Variants in ABR observed in about 807,000 individuals in gnomAD.
ABR encodes the protein ABR activator of RhoGEF and GTPase, also known as active breakpoint cluster region-related protein.
In ABR, 35 loss-of-function variants were observed where a neutral mutation model predicts 107.2. The observed-to-expected ratio is 0.33, with a 90% CI of 0.25 to 0.43. The LOEUF (loss-of-function observed/expected upper bound fraction) is 0.43, where lower values mean the gene tolerates loss of function less well. Ranked by LOEUF, ABR falls within the 20% of genes least tolerant of loss-of-function variation. The pLI is 1.00. For missense variants in ABR, 815 were observed against 1,115.2 expected (o/e 0.73, Z 3.83); for synonymous variants, 498 against 462.0 (o/e 1.08, Z -1.00).
At chr17:1,184,892 T>G (rs1229655280), upstream of ABR, 1 of 152,170 alleles carries the variant, frequency 6.6e-6, no homozygotes, top group Non-Finnish European at 1.5e-5. Flanking sequence ...TTTCACGTAA[T>G]CCTTACAATA....
At chr17:1,144,896 G>A (rs904558823) in intron 1 of ABR, among the ~76,000 whole-genome samples, 2 of 152,112 alleles carry the variant, frequency 1.3e-5, no homozygotes, top group Admixed American at 6.5e-5. Flanking sequence ...GCGGGCCCCT[G>A]TAATTCCAGC....
intron 16 of ABR, among the ~76,000 whole-genome samples, chr17:1,017,553 C>T (rs1383069661): frequency 5.4e-5 from 8 of 149,520 alleles, no homozygotes; most frequent in Non-Finnish European, 8.9e-5. Flanking sequence ...GACTGCAACC[C>T]GTCTCCCAGG....
chr17:1,137,706 GA>G (rs1292230634), intron 1 of ABR, among the ~76,000 whole-genome samples: 1 of 151,766 alleles, frequency 6.6e-6, no homozygotes, highest in African/African-American at 2.4e-5. Context: ...TCCAACTGGT[GA>G]AAAAAAACGC....
chr17:1,079,026 C>A (rs1440716887), intron 6 of ABR: 77 of 1,066,812 alleles, frequency 7.2e-5, no homozygotes, highest in Non-Finnish European at 5.7e-5. Flanking sequence ...GAGGGAGGCG[C>A]GTGGCGAGGA....
intron 1 of ABR, among the ~76,000 whole-genome samples, chr17:1,146,603 C>T (rs1327764755): frequency 6.6e-6 from 1 of 150,806 alleles, no homozygotes; most frequent in Non-Finnish European, 1.5e-5. Flanking sequence ...CATGCCACCA[C>T]TGCCACATGA....
intron 16 of ABR, among the ~76,000 whole-genome samples, chr17:1,016,861 G>A (rs988688105): frequency 5.3e-5 from 8 of 152,260 alleles, no homozygotes; most frequent in Middle Eastern, 3.4e-3. Context: ...TGAGGTGTGC[G>A]TGCCACGGTT....
At chr17:1,201,070 G>GCCCAAGC (rs1207212283) in intron 1 of ABR, among the ~76,000 whole-genome samples, 1 of 152,196 alleles carries the variant, frequency 6.6e-6, no homozygotes, top group Non-Finnish European at 1.5e-5. Context: ...TGGATTCAGG[G>GCCCAAGC]CCCAAGCCCC....
chr17:1,146,260 GACACACACACACACACACACAC>G (rs60058475), intron 1 of ABR, among the ~76,000 whole-genome samples: 3,090 of 140,200 alleles, frequency 0.022, 120 homozygotes, highest in African/African-American at 0.079. Flanking sequence ...GGCACATGGA[GACACACACACACACACACACAC>G]ACACACACAC....
chr17:1,079,421 G>A, intron 5 of ABR, 31 bp from the exon 6 acceptor site: 3 of 1,595,804 alleles, frequency 1.9e-6, no homozygotes, highest in South Asian at 1.1e-5. Context: ...GTCATGGCCT[G>A]TTCTGTCCCT....
At chr17:1,105,158 G>A (rs1011936334) in intron 2 of ABR, among the ~76,000 whole-genome samples, 3 of 151,742 alleles carry the variant, frequency 2.0e-5, no homozygotes, top group South Asian at 2.1e-4. Context: ...ACAGGTGCAC[G>A]CCACCACGCC....
intron 2 of ABR, among the ~76,000 whole-genome samples, chr17:1,112,719 T>C (rs547217983): frequency 2.4e-4 from 37 of 151,904 alleles, no homozygotes; most frequent in African/African-American, 6.5e-4. Context: ...TCATGGAGGG[T>C]GAGGGGCATA....
chr17:1,057,385 C>T (rs2033439228), intron 12 of ABR, among the ~76,000 whole-genome samples: 9 of 133,768 alleles, frequency 6.7e-5, no homozygotes, highest in Admixed American at 5.7e-4. Flanking sequence ...GTTTTGTTTT[C>T]GTTTTTTTTT....
chr17:1,138,286 G>A (rs2040161805), intron 1 of ABR, among the ~76,000 whole-genome samples: 3 of 152,068 alleles, frequency 2.0e-5, no homozygotes, highest in Admixed American at 2.0e-4. Context: ...CATGGCAGTG[G>A]CTTTCTGGGG....
intron 2 of ABR, among the ~76,000 whole-genome samples, chr17:1,123,658 C>T (rs534946265): frequency 1.3e-4 from 20 of 152,342 alleles, no homozygotes; most frequent in African/African-American, 4.6e-4. Context: ...CATCTTCCTG[C>T]AGCTGCTCAC....
intron 1 of ABR, among the ~76,000 whole-genome samples, chr17:1,207,084 A>C (rs1217761141): frequency 6.6e-5 from 2 of 30,382 alleles, no homozygotes; most frequent in Non-Finnish European, 9.7e-4. Flanking sequence ...ACTCCATCTC[A>C]AAACAAACAA....
chr17:1,100,823 C>CG lies in ABR; in HGVS notation c.247-89dup. ...GGTCTGCTTCCCTGCCCTTCCCCCC[C>CG]GACCTTTATTTTTTTTTTGAGACGA... On this transcript the variant is annotated intron_variant, in intron 2 of 22. Coordinates refer to ENST00000302538, the MANE Select transcript of ABR (RefSeq NM_021962.5). The CG allele has an allele frequency of 2.4e-6, 3 of 1,268,114 alleles. No homozygotes were observed. In the South Asian group the frequency reaches 3.6e-5, roughly 15 times the overall value. 78.6% of individuals were successfully genotyped at this position (1,268,114 alleles called of 1,614,324 possible). A position where few individuals can be genotyped will look rare whatever the true frequency, so the allele number is the denominator to read the frequency against.
intron 3 of ABR, among the ~76,000 whole-genome samples, chr17:1,099,289 G>A (rs1168756359): frequency 6.6e-6 from 1 of 152,042 alleles, no homozygotes; most frequent in Non-Finnish European, 1.5e-5. Flanking sequence ...TGGCCAGGCT[G>A]GTCTCGAACT....
chr17:1,049,547 G>A (rs1350042110), intron 16 of ABR, among the ~76,000 whole-genome samples: 1 of 152,114 alleles, frequency 6.6e-6, no homozygotes, highest in Non-Finnish European at 1.5e-5. Context: ...CAACGCAGCT[G>A]AGTAAGGTCC....
In ABR at chr17:1,050,635, C is replaced by T; in HGVS notation, c.1562-1G>A. ...TCCACCTCCAGGGTACAGTACAGGT[C>T]TGTGGGGGAAGGACAGACGGAGATA... On this transcript the variant is annotated splice_acceptor_variant, in intron 14 of 22. Transcript: ENST00000302538. LOFTEE classifies it high-confidence loss of function. This position sits in a 1 kb window ranked among gnomAD's most constrained non-coding sequence, Gnocchi z 4.6. 6.2e-7 allele frequency: 1 copy of T among 1,613,434 alleles called. No individual in the cohort carries two copies. The highest frequency in any genetic ancestry group is 8.5e-7 in the Non-Finnish European group (1 of 1,179,620).
Sources: allele counts gnomAD v4.1 joint callset (sites outside exome capture counted in the v4.1 genomes callset), GRCh38; gene constraint gnomAD v4.1.1; non-coding constraint Gnocchi (gnomAD v3.1); transcripts MANE v1.5; gene names NCBI Gene and HGNC (gene_info 2026-07-23, HGNC 2026-07-21).